The following HYKK variants were observed in gnomAD, a reference collection of about 807,000 sequenced individuals.
The protein encoded by HYKK is 5-hydroxy-L-lysine kinase.
Under a neutral mutation model 29.7 loss-of-function variants are expected in HYKK, and 19 were observed. That is an observed-to-expected ratio of 0.64 (90% CI 0.45 to 0.94). HYKK has a LOEUF of 0.94. Among genes scored for constraint, HYKK ranks in the 40% least tolerant of loss-of-function variants. The probability of loss-of-function intolerance (pLI) is 0.00; values close to 1 mark genes in which losing one functional copy is unlikely to be tolerated. For synonymous variants in HYKK, 152 were observed against 158.1 expected, an observed-to-expected ratio of 0.96 and a Z score of 0.29; for missense variants, 390 against 443.4, an observed-to-expected ratio of 0.88 and a Z score of 1.08.
rs536413026 is a variant in HYKK at position 78,513,077 on chromosome 15, C to G, written c.-5-7C>G. 9.8e-6 allele frequency: 15 copies of G among 1,525,312 alleles called. No homozygotes were observed. The South Asian group carries it at 1.6e-4, about 16-fold the overall frequency. The allele number at this position is 1,525,312 out of a possible 1,614,324, so 94.5% of individuals were successfully genotyped here. ...CCCTTTCTGTTTGTTGCTTTTTGTT[C>G]CCCTAGACATAATGTCAAGTGGAAA... On this transcript the variant is annotated splice_region_variant and splice_polypyrimidine_tract_variant and intron_variant, in intron 1 of 4. Coordinates refer to ENST00000388988, the MANE Select transcript of HYKK (RefSeq NM_001013619.4).
chr15:78,508,880 C>A lies in HYKK; in HGVS notation c.-6+1209C>A, dbSNP rs1004657640. ...GCAACATAGTGGGACCCTCTCTCTC[C>A]AAAAAAAAAAAAAAAAAAAAGGCCA... On this transcript the variant is annotated intron_variant, in intron 1 of 4. Transcript: ENST00000388988. Among the ~76,000 whole-genome samples, 61 of 55,610 alleles carry A rather than the reference C, an allele frequency of 1.1e-3. 1 individual carries two copies. Among genetic ancestry groups the A allele is most frequent in the African/African-American group, 3.4e-3 (46 of 13,546 alleles). The allele number at this position is 55,610 out of a possible 152,430, so 36.5% of individuals were successfully genotyped here. A position where few individuals can be genotyped will look rare whatever the true frequency, so the allele number is the denominator to read the frequency against.
chr15:78,529,026 C>A (rs73463030), intron 4 of HYKK, among the ~76,000 whole-genome samples: 6,342 of 152,184 alleles, frequency 0.042, 445 homozygotes, highest in African/African-American at 0.14. Flanking sequence ...AGTTAGCAGT[C>A]ATAGGCTTCA....
intron 3 of HYKK, 50 bp downstream of exon 3, chr15:78,515,157 A>G (rs2052118303): frequency 7.2e-7 from 1 of 1,390,126 alleles, no homozygotes; most frequent in Non-Finnish European, 9.7e-7. Flanking sequence ...TTTGCTTGTT[A>G]TTTTATTTTT....
chr15:78,529,081 ATTCT>A (rs2052286644), intron 4 of HYKK, among the ~76,000 whole-genome samples: 1 of 152,120 alleles, frequency 6.6e-6, no homozygotes, highest in South Asian at 2.1e-4. Context: ...AATTCTATCC[ATTCT>A]TTCTTCAAAG....
chr15:78,531,563 G>A (rs1221646896), intron 4 of HYKK, among the ~76,000 whole-genome samples: 3 of 151,622 alleles, frequency 2.0e-5, no homozygotes, highest in Admixed American at 6.6e-5. Context: ...ATAGAGTCTC[G>A]CTCTGTTGCC....
At position 78,533,616 on chromosome 15, in the gene HYKK, A is replaced by G. The variant is rs1220388572; in HGVS notation, c.1068A>G (p.Val356=). The part of the protein sequence containing the change: ...QQMFDMGQKA[V]EEIWFETAKS... The stretch of plus-strand genomic sequence containing the variant: ...TGTTTGACATGGGTCAGAAAGCTGT[A>G]GAAGAAATCTGGTTTGAAACTGCCA... The change falls in exon 5 of 5, where the codon GTA becomes GTG. Residue 356 remains valine, a synonymous_variant. Coordinates refer to ENST00000388988, the MANE Select transcript of HYKK (RefSeq NM_001013619.4). 18 of 1,614,236 alleles carry G rather than the reference A, an allele frequency of 1.1e-5. No homozygotes were observed. Among genetic ancestry groups the G allele is most frequent in the Non-Finnish European group, 1.4e-5 (17 of 1,180,026 alleles).
In HYKK at chr15:78,513,161, T is replaced by C; in HGVS notation, c.73T>C (p.Leu25=). 6.2e-7 allele frequency: 1 copy of C among 1,614,084 alleles called. No homozygotes were observed. Among genetic ancestry groups the C allele is most frequent in the Non-Finnish European group, 8.5e-7 (1 of 1,179,950 alleles). Residue 25 remains leucine (L), a synonymous_variant, in exon 2 of 5, where the codon TTA becomes CTA. Coordinates refer to ENST00000388988, the MANE Select transcript of HYKK (RefSeq NM_001013619.4). ...TTTCAGTGAGGAACAAGCCTCTGCGTTAGTGGAGTCAGTGTTTGGGTTGAA... is the reference window on the plus strand; with the variant it reads ...TTTCAGTGAGGAACAAGCCTCTGCGCTAGTGGAGTCAGTGTTTGGGTTGAA... The part of the protein sequence containing the change: ...PTFSEEQASA[L]VESVFGLKVS...
At chr15:78,523,294 G>C (rs911670870) in intron 3 of HYKK, among the ~76,000 whole-genome samples, 1 of 152,072 alleles carries the variant, frequency 6.6e-6, no homozygotes, top group Non-Finnish European at 1.5e-5. Context: ...TAAATGGCAG[G>C]GGCAGGAGCA....
downstream of HYKK, chr15:78,537,289 T>C: frequency 1.6e-6 from 1 of 643,904 alleles, no homozygotes; most frequent in Non-Finnish European, 2.9e-6. Flanking sequence ...TTTATTTTAC[T>C]TTACTTTCAG....
intron 4 of HYKK, chr15:78,527,793 C>A: frequency 1.7e-6 from 2 of 1,208,132 alleles, no homozygotes; most frequent in African/African-American, 1.6e-5. Context: ...TAAATTTGCA[C>A]ATTACATATG....
chr15:78,515,491 G>A lies in HYKK; in HGVS notation c.477+384G>A, dbSNP rs2052122260. On this transcript the variant is annotated intron_variant, in intron 3 of 4. Coordinates refer to ENST00000388988, the MANE Select transcript of HYKK (RefSeq NM_001013619.4). ...TCAGCTACTTGGAAGACTGAGGCAG[G>A]AGAATCGCTTGAGCCAGGAGGTGGA... 2.0e-5 allele frequency among the ~76,000 whole-genome samples: 3 copies of A among 152,166 alleles called. No homozygotes were observed. In the South Asian group the frequency reaches 6.2e-4, roughly 32 times the overall value.
downstream of HYKK, chr15:78,537,292 A>C: frequency 1.6e-6 from 1 of 644,728 alleles, no homozygotes; most frequent in Middle Eastern, 2.5e-4. Context: ...ATTTTACTTT[A>C]CTTTCAGGAC....
downstream of HYKK, chr15:78,537,237 C>A: frequency 1.9e-6 from 1 of 525,752 alleles, no homozygotes; most frequent in South Asian, 3.2e-5. Context: ...CCCATTGATT[C>A]GGTTTCTCTG....
At chr15:78,516,308 G>A (rs941621150) in intron 3 of HYKK, among the ~76,000 whole-genome samples, 1 of 151,120 alleles carries the variant, frequency 6.6e-6, no homozygotes, top group East Asian at 1.9e-4. Flanking sequence ...CTCATTTTGA[G>A]TGGGCTGAGG....
chr15:78,518,605 T>G (rs1383111225), intron 3 of HYKK: 1 of 455,578 alleles, frequency 2.2e-6, no homozygotes, highest in East Asian at 7.0e-5. Context: ...AGCCCCGCGT[T>G]ACACCCCTAT....
At chr15:78,527,101 C>A (rs1383063843) in intron 3 of HYKK, among the ~76,000 whole-genome samples, 1 of 151,392 alleles carries the variant, frequency 6.6e-6, no homozygotes, top group Non-Finnish European at 1.5e-5. Context: ...CATGGTGAAA[C>A]CCTGTCTCTA....
intron 4 of HYKK, chr15:78,527,772 C>T: frequency 6.2e-6 from 8 of 1,297,316 alleles, no homozygotes; most frequent in Non-Finnish European, 7.8e-6. Context: ...GTCTACCTCT[C>T]TTCTTCCCAT....
chr15:78,513,171 C>T lies in HYKK; in HGVS notation c.83C>T (p.Ser28Leu). The change falls in exon 2 of 5, where the codon TCA (serine) becomes TTA (leucine). Residue 28 changes from serine to leucine, a missense_variant. Coordinates refer to ENST00000388988, the MANE Select transcript of HYKK (RefSeq NM_001013619.4). ...SEEQASALVE[S>L]VFGLKVSKVR... ...GAACAAGCCTCTGCGTTAGTGGAGT[C>T]AGTGTTTGGGTTGAAAGTTTCCAAG... is the stretch of plus-strand genomic sequence containing the variant. 6.2e-7 allele frequency: 1 copy of T among 1,614,070 alleles called. No individual in the cohort carries two copies. The highest frequency in any genetic ancestry group is 1.6e-4 in the Middle Eastern group (1 of 6,062).
In HYKK at chr15:78,517,322, C is replaced by A. The variant is rs76705389; in HGVS notation, c.477+2215C>A. Reference sequence around the variant, plus strand: ...AGGCAAGGTGGCTCACACCTGTAATCCCAGCACTTTGGGAGGCTGAGGCAG... The same window carrying A: ...AGGCAAGGTGGCTCACACCTGTAATACCAGCACTTTGGGAGGCTGAGGCAG... On this transcript the variant is annotated intron_variant, in intron 3 of 4. Coordinates refer to ENST00000388988, the MANE Select transcript of HYKK (RefSeq NM_001013619.4). 8.5e-3 allele frequency among the ~76,000 whole-genome samples: 1,295 copies of A among 152,116 alleles called. 115 individuals carry two copies. In the East Asian group the frequency reaches 0.22, roughly 26 times the overall value.
Sources: gnomAD v4.1 joint callset for allele counts (sites outside exome capture counted in the v4.1 genomes callset) on GRCh38, gnomAD v4.1.1 for gene constraint, MANE v1.5 for transcripts, NCBI Gene and HGNC (gene_info 2026-07-23, HGNC 2026-07-21) for gene names.